HRH1: variants seen among roughly 807,000 people sequenced by gnomAD.
HRH1 encodes histamine H1 receptor.
HRH1 carries 6 observed loss-of-function variants against 10.3 expected under a neutral mutation model. That is an observed-to-expected ratio of 0.58 (90% CI 0.32 to 1.15). HRH1 has a LOEUF of 1.15. Ranked by LOEUF, HRH1 falls within the 50% of genes most tolerant of loss-of-function variation. HRH1 has a pLI of 0.05. For missense variants in HRH1, 514 were observed against 615.3 expected (o/e 0.84, Z 1.74); for synonymous variants, 242 against 236.7 (o/e 1.02, Z -0.21).
intron 1 of HRH1, among the ~76,000 whole-genome samples, chr3:11,210,158 G>A (rs1938277322): frequency 6.6e-6 from 1 of 152,066 alleles, no homozygotes; most frequent in African/African-American, 2.4e-5. Flanking sequence ...TTGGCAGGCT[G>A]AGGCAGGCAG....
intron 1 of HRH1, among the ~76,000 whole-genome samples, chr3:11,164,559 A>C (rs577177110): frequency 1.3e-5 from 2 of 149,730 alleles, no homozygotes; most frequent in Non-Finnish European, 2.9e-5. Context: ...AAAATCTTGC[A>C]CACAAAGATA....
At chr3:11,183,083 A>G (rs1023482931) in intron 1 of HRH1, among the ~76,000 whole-genome samples, 2 of 152,212 alleles carry the variant, frequency 1.3e-5, no homozygotes, top group Non-Finnish European at 2.9e-5. Context: ...TGATGCTTTC[A>G]TCATCTCTTA....
At chr3:11,255,553 A>C (rs2152588522) in intron 1 of HRH1, among the ~76,000 whole-genome samples, 1 of 152,356 alleles carries the variant, frequency 6.6e-6, no homozygotes, top group African/African-American at 2.4e-5. Flanking sequence ...GAGGACGCAC[A>C]CCCATGACAC....
chr3:11,189,750 C>G (rs1937508851), intron 1 of HRH1, among the ~76,000 whole-genome samples: 1 of 150,016 alleles, frequency 6.7e-6, no homozygotes, highest in Non-Finnish European at 1.5e-5. Context: ...ATAGCGAAAC[C>G]CCATCTCTAC....
chr3:11,223,091 A>G (rs905920839), intron 1 of HRH1, among the ~76,000 whole-genome samples: 2 of 146,222 alleles, frequency 1.4e-5, no homozygotes, highest in Admixed American at 7.2e-5. Flanking sequence ...AAGCTGCGGC[A>G]GGAGAATCGC....
chr3:11,234,511 C>G (rs755579785), intron 1 of HRH1: 114 of 1,438,756 alleles, frequency 7.9e-5, no homozygotes, highest in Non-Finnish European at 1.1e-4. Flanking sequence ...TGGCCATTCC[C>G]CCAAGGCATG....
At chr3:11,243,074 T>C (rs1939392405) in intron 1 of HRH1, among the ~76,000 whole-genome samples, 1 of 152,112 alleles carries the variant, frequency 6.6e-6, no homozygotes, top group Admixed American at 6.6e-5. Flanking sequence ...CCACCACGCC[T>C]GGCTAATTTT....
intron 1 of HRH1, among the ~76,000 whole-genome samples, chr3:11,236,637 G>A (rs1939188324): frequency 2.0e-5 from 3 of 152,216 alleles, no homozygotes; most frequent in Admixed American, 6.5e-5. Context: ...ATGAATAAAT[G>A]AATCATCTGT....
Position 11,245,277 on chromosome 3 carries a change from C to T in HRH1, c.-35-13726C>T, listed in dbSNP as rs191618625. Among the ~76,000 whole-genome samples the T allele has an allele frequency of 1.2e-3, 185 of 152,156 alleles. 1 individual carries two copies. The highest frequency in any genetic ancestry group is 4.2e-3 in the African/African-American group (173 of 41,498). ...CCGAGGCAGGGGAATCACTTGAACC[C>T]GGGAGGCAGAGGTTGCAGGGAGCTG... On this transcript the variant is annotated intron_variant, in intron 1 of 1. Transcript: ENST00000431010.
intron 1 of HRH1, among the ~76,000 whole-genome samples, chr3:11,171,377 A>T (rs1036053690): frequency 6.6e-6 from 1 of 152,072 alleles, no homozygotes. Context: ...TGGCCTCCCA[A>T]AGTGCTGGGA....
At chr3:11,189,249 G>T (rs991912794) in intron 1 of HRH1, among the ~76,000 whole-genome samples, 2 of 152,160 alleles carry the variant, frequency 1.3e-5, no homozygotes, top group East Asian at 3.9e-4. Context: ...GACACGCTCA[G>T]ACTTATGTCA....
At chr3:11,237,309 T>C (rs1939207388) in intron 1 of HRH1, among the ~76,000 whole-genome samples, 2 of 152,254 alleles carry the variant, frequency 1.3e-5, no homozygotes, top group South Asian at 2.1e-4. Flanking sequence ...TTCCCTGGAA[T>C]CTTTATTTAA....
chr3:11,198,473 G>A (rs140865854), intron 1 of HRH1, among the ~76,000 whole-genome samples: 2 of 152,282 alleles, frequency 1.3e-5, no homozygotes, highest in South Asian at 2.1e-4. Context: ...AATCGCTGCT[G>A]TTCATTGAAT....
chr3:11,247,310 A>G (rs931756873), intron 1 of HRH1, among the ~76,000 whole-genome samples: 1 of 152,212 alleles, frequency 6.6e-6, no homozygotes, highest in African/African-American at 2.4e-5. Flanking sequence ...TAGGCAGAAA[A>G]TTCCTCAGCA....
At chr3:11,177,636 G>A (rs536921895) in intron 1 of HRH1, among the ~76,000 whole-genome samples, 2 of 152,194 alleles carry the variant, frequency 1.3e-5, no homozygotes, top group African/African-American at 2.4e-5. Context: ...AGCTCCTTGA[G>A]AGCAGAGACT....
chr3:11,184,633 T>C lies in HRH1; in HGVS notation c.-36+30079T>C, dbSNP rs187180932. 5.9e-5 allele frequency among the ~76,000 whole-genome samples: 9 copies of C among 152,266 alleles called. No homozygotes were observed. The East Asian group carries it at 1.7e-3, about 29-fold the overall frequency. ...CACAAGGAAAAGAATCAGGCTAATC[T>C]TGGCCGGGCCCGATGACTCGCACCT... is the stretch of plus-strand genomic sequence containing the variant. On this transcript the variant is annotated intron_variant, in intron 1 of 1. Transcript: ENST00000431010.
chr3:11,196,348 T>C (rs1937650150), intron 1 of HRH1, among the ~76,000 whole-genome samples: 1 of 152,212 alleles, frequency 6.6e-6, no homozygotes, highest in East Asian at 1.9e-4. Flanking sequence ...CATCCCCATC[T>C]TACAGACATT....
At chr3:11,243,714 T>G (rs1047669945) in intron 1 of HRH1, among the ~76,000 whole-genome samples, 3 of 152,172 alleles carry the variant, frequency 2.0e-5, no homozygotes, top group African/African-American at 7.2e-5. Flanking sequence ...ACCTCTTTCT[T>G]CCTGCTGGAG....
rs1193431670 is a variant in HRH1 at position 11,259,889 on chromosome 3, A to G, written c.852A>G (p.Lys284=). 1 of 1,614,108 alleles carries G rather than the reference A, an allele frequency of 6.2e-7. No homozygotes were observed. Among genetic ancestry groups the G allele is most frequent in the Non-Finnish European group, 8.5e-7 (1 of 1,180,004 alleles). Residue 284 remains lysine, a synonymous_variant, in exon 2 of 2, where the codon AAA becomes AAG. Coordinates refer to ENST00000431010, the MANE Select transcript of HRH1 (RefSeq NM_001098212.2). The surrounding 1 kb of genome is among the most constrained non-coding windows in gnomAD (Gnocchi z 4.6). The part of the protein sequence containing the change: ...KSPSQTPKEM[K]SPVVFSQEDD... Reference sequence around the variant, plus strand: ...CATCCCAAACCCCCAAGGAGATGAAATCCCCAGTTGTCTTCAGCCAAGAGG... The same window carrying G: ...CATCCCAAACCCCCAAGGAGATGAAGTCCCCAGTTGTCTTCAGCCAAGAGG...
Sources: allele counts gnomAD v4.1 joint callset (sites outside exome capture counted in the v4.1 genomes callset), GRCh38; gene constraint gnomAD v4.1.1; non-coding constraint Gnocchi (gnomAD v3.1); transcripts MANE v1.5; gene names NCBI Gene and HGNC (gene_info 2026-07-23, HGNC 2026-07-21).